The following RAD51C variants were observed in gnomAD, a reference collection of about 807,000 sequenced individuals.
The protein encoded by RAD51C is RAD51 paralog C.
RAD51C carries 42 observed loss-of-function variants against 45.0 expected under a neutral mutation model. The observed-to-expected ratio is 0.93, with a 90% CI of 0.73 to 1.21. The LOEUF (loss-of-function observed/expected upper bound fraction) is 1.21, where lower values mean the gene tolerates loss of function less well. Among genes scored for constraint, RAD51C ranks in the 50% most tolerant of loss-of-function variants. The pLI is 0.00. For missense variants in RAD51C, 474 were observed against 452.2 expected (o/e 1.05, Z -0.44); for synonymous variants, 172 against 159.8 (o/e 1.08, Z -0.58).
intron 5 of RAD51C, among the ~76,000 whole-genome samples, chr17:58,712,722 A>G (rs1036816383): frequency 4.6e-5 from 7 of 152,120 alleles, no homozygotes; most frequent in Non-Finnish European, 8.8e-5. Context: ...CGGGAGGCTG[A>G]GGCAGGAGAA....
intron 3 of RAD51C, among the ~76,000 whole-genome samples, chr17:58,699,167 C>T (rs116579026): frequency 0.036 from 5,477 of 151,688 alleles, 174 homozygotes; most frequent in African/African-American, 0.086. Flanking sequence ...CCACAATGCC[C>T]GGCTAATTTT....
chr17:58,722,062 C>A (rs2048935864), intron 6 of RAD51C, among the ~76,000 whole-genome samples: 1 of 152,116 alleles, frequency 6.6e-6, no homozygotes, highest in African/African-American at 2.4e-5. Context: ...CTCATGCCCT[C>A]AGCACACTAT....
intron 3 of RAD51C, among the ~76,000 whole-genome samples, chr17:58,701,385 G>A (rs2048207609): frequency 6.6e-6 from 1 of 151,578 alleles, no homozygotes; most frequent in Non-Finnish European, 1.5e-5. Context: ...GCGGGCGCCT[G>A]TAGTCCCGGC....
chr17:58,718,194 C>T (rs182467365), intron 5 of RAD51C, among the ~76,000 whole-genome samples: 24 of 152,140 alleles, frequency 1.6e-4, no homozygotes, highest in Middle Eastern at 3.4e-3. Context: ...GATGGGGTAT[C>T]GCCATGTTGG....
chr17:58,702,443 G>T (rs1051338728), intron 3 of RAD51C, among the ~76,000 whole-genome samples: 1 of 151,992 alleles, frequency 6.6e-6, no homozygotes, highest in East Asian at 1.9e-4. Context: ...AATCCCAGGC[G>T]TGAATTTGGG....
Position 58,734,450 on chromosome 17 carries a change from A to G in RAD51C, c.*228A>G. 1 of 680,880 alleles carries G rather than the reference A, an allele frequency of 1.5e-6. No homozygotes were observed. Among genetic ancestry groups the G allele is most frequent in the Non-Finnish European group, 2.4e-6 (1 of 423,184 alleles). 42.2% of individuals were successfully genotyped at this position (680,880 alleles called of 1,614,324 possible). A position where few individuals can be genotyped will look rare whatever the true frequency, so the allele number is the denominator to read the frequency against. Reference sequence around the variant, plus strand: ...TTTCATTTTCAGTAACATTCAGTAGAGATGATTATTATATTTCACAAATGT... The same window carrying G: ...TTTCATTTTCAGTAACATTCAGTAGGGATGATTATTATATTTCACAAATGT... On this transcript the variant is annotated 3_prime_UTR_variant, in exon 9 of 9. Transcript: ENST00000337432.
chr17:58,719,570 T>C (rs931592685), intron 5 of RAD51C, among the ~76,000 whole-genome samples: 2 of 151,808 alleles, frequency 1.3e-5, no homozygotes, highest in African/African-American at 4.8e-5. Flanking sequence ...GTCCCAGCTG[T>C]TCAAGAGGCT....
chr17:58,720,664 G>A (rs2048886571), intron 5 of RAD51C, 82 bp from the exon 6 acceptor site: 3 of 1,031,812 alleles, frequency 2.9e-6, no homozygotes, highest in Non-Finnish European at 4.5e-6. Flanking sequence ...GTAGAGATGG[G>A]GTTTCACAAT....
intron 5 of RAD51C, among the ~76,000 whole-genome samples, chr17:58,712,471 TGTC>T (rs2048591948): frequency 2.0e-5 from 3 of 152,186 alleles, no homozygotes; most frequent in South Asian, 4.1e-4. Context: ...TAAATATTGT[TGTC>T]TGGTGTAAAT....
At chr17:58,730,331 ATTTT>A (rs374899142) in intron 7 of RAD51C, among the ~76,000 whole-genome samples, 1 of 135,040 alleles carries the variant, frequency 7.4e-6, no homozygotes, top group Non-Finnish European at 1.6e-5. Context: ...CGCCCAGCTA[ATTTT>A]TTTTTTTTTT....
Position 58,703,933 on chromosome 17 carries a change from C to CTTTTTTTT in RAD51C, c.705+624_705+631dup, listed in dbSNP as rs67254535. ...GAGCTACCGTGCCATCATGTATCAC[C>CTTTTTTTT]TTTTTTTTTTTTTTTTTTTTTTTTT... On this transcript the variant is annotated intron_variant, in intron 4 of 8. Coordinates refer to ENST00000337432, the MANE Select transcript of RAD51C (RefSeq NM_058216.3). Among the ~76,000 whole-genome samples the CTTTTTTTT allele has an allele frequency of 4.8e-3, 319 of 66,522 alleles. 51 individuals carry two copies. Among genetic ancestry groups the CTTTTTTTT allele is most frequent in the Non-Finnish European group, 8.0e-3 (261 of 32,592 alleles). The allele number at this position is 66,522 out of a possible 152,430, so 43.6% of individuals were successfully genotyped here.
intron 4 of RAD51C, among the ~76,000 whole-genome samples, chr17:58,705,344 TG>T (rs141805941): frequency 1.5e-3 from 196 of 133,970 alleles, no homozygotes; most frequent in Admixed American, 2.2e-3. Flanking sequence ...TTCTTTTTTT[TG>T]GGGGGGGGGT....
At chr17:58,697,147 C>T (rs544005564) in intron 3 of RAD51C, among the ~76,000 whole-genome samples, 50 of 152,182 alleles carry the variant, frequency 3.3e-4, no homozygotes, top group Admixed American at 1.9e-3. Context: ...TGTAAGTTAA[C>T]GGTGCCGGAC....
At chr17:58,704,609 T>G (rs1465643562) in intron 4 of RAD51C, among the ~76,000 whole-genome samples, 1 of 152,150 alleles carries the variant, frequency 6.6e-6, no homozygotes, top group East Asian at 1.9e-4. Flanking sequence ...CCCCTTCACC[T>G]TGCTCTTGGT....
At chr17:58,709,588 G>A (rs929217333) in intron 4 of RAD51C, 3 of 317,218 alleles carry the variant, frequency 9.5e-6, no homozygotes, top group Admixed American at 9.5e-5. Flanking sequence ...TATCTAGTAA[G>A]GGTTGGATTA....
intron 7 of RAD51C, among the ~76,000 whole-genome samples, chr17:58,730,412 C>G (rs1015724581): frequency 6.6e-6 from 1 of 150,760 alleles, no homozygotes; most frequent in African/African-American, 2.4e-5. Context: ...CTCCTGACCT[C>G]GTGATCTGCC....
intron 3 of RAD51C, among the ~76,000 whole-genome samples, 178 bp downstream of exon 3, chr17:58,697,037 C>CT (rs376251341): frequency 1.3e-4 from 20 of 152,056 alleles, no homozygotes; most frequent in African/African-American, 4.1e-4. Flanking sequence ...CCTGGACTGG[C>CT]TTTTTTTTGT....
chr17:58,724,233 T>A, intron 7 of RAD51C, 133 bp downstream of exon 7: 1 of 823,296 alleles, frequency 1.2e-6, no homozygotes, highest in South Asian at 1.5e-5. Context: ...TGTTGCCTTG[T>A]CTGATATCAC....
At position 58,709,979 on chromosome 17, in the gene RAD51C, C is replaced by T. The variant is rs1567799906; in HGVS notation, c.826C>T (p.His276Tyr). The change falls in exon 5 of 9, where the codon CAC becomes TAC. Residue 276 changes from histidine to tyrosine, a missense_variant. By Grantham distance (83) the His-to-Tyr change is moderately conservative. Transcript: ENST00000337432. ...AQQMISLANN[H>Y]RLAVILTNQM... ...GCAAATGATCAGCCTTGCAAATAAT[C>T]ACAGATTAGCTGTAAGTATTAACTA... 1 of 1,612,666 alleles carries T rather than the reference C, an allele frequency of 6.2e-7. No homozygotes were observed. The highest frequency in any genetic ancestry group is 8.5e-7 in the Non-Finnish European group (1 of 1,178,830).
Sources: allele counts gnomAD v4.1 joint callset (sites outside exome capture counted in the v4.1 genomes callset), GRCh38; gene constraint gnomAD v4.1.1; transcripts MANE v1.5; gene names NCBI Gene and HGNC (gene_info 2026-07-23, HGNC 2026-07-21).